Variants in ENOSF1 observed in about 807,000 individuals in gnomAD.
ENOSF1 encodes the protein enolase superfamily member 1, also known as mitochondrial enolase superfamily member 1.
Under a neutral mutation model 68.2 loss-of-function variants are expected in ENOSF1, and 73 were observed. The ratio of observed to expected loss-of-function variants is 1.07; its 90% CI spans 0.89 to 1.30. ENOSF1 has a LOEUF of 1.30. Among genes scored for constraint, ENOSF1 ranks in the 50% most tolerant of loss-of-function variants. ENOSF1 has a pLI of 0.00. For missense variants in ENOSF1, 589 were observed against 554.5 expected, an observed-to-expected ratio of 1.06 and a Z score of -0.62; for synonymous variants, 223 against 210.4, an observed-to-expected ratio of 1.06 and a Z score of -0.52.
At chr18:663,727 T>C in the ENOSF1 span, among the ~76,000 whole-genome samples, 11 of 105,636 alleles carry the variant, frequency 1.0e-4, no homozygotes, top group East Asian at 3.1e-4. Flanking sequence ...TTTCAGCTTT[T>C]TACATATGGC....
Position 673,052 on chromosome 18 carries a change from T to C in ENOSF1, c.*1253A>G. The C allele has an allele frequency of 6.9e-7, 1 of 1,443,178 alleles. No individual in the cohort carries two copies. The highest frequency in any genetic ancestry group is 1.7e-5 in the South Asian group (1 of 58,856). 89.4% of individuals were successfully genotyped at this position (1,443,178 alleles called of 1,614,324 possible). On this transcript the variant is annotated 3_prime_UTR_variant, in exon 16 of 16. Coordinates refer to ENST00000647584, the MANE Select transcript of ENOSF1 (RefSeq NM_017512.7). ...GTCAGTCTTTAGGGGTTGGGCTGGA[T>C]GCCGAGGTAAAAGTTCTTTTTGCTC...
In ENOSF1 at chr18:706,815, A is replaced by ATTTT. The variant is rs71297337; in HGVS notation, c.85-241_85-238dup. 904 of 131,012 alleles carry ATTTT rather than the reference A, an allele frequency of 6.9e-3. 11 individuals are homozygous for ATTTT. Among genetic ancestry groups the ATTTT allele is most frequent in the Non-Finnish European group, 9.8e-3 (613 of 62,328 alleles). 8.1% of individuals were successfully genotyped at this position (131,012 alleles called of 1,614,324 possible). A position where few individuals can be genotyped will look rare whatever the true frequency, so the allele number is the denominator to read the frequency against. On this transcript the variant is annotated intron_variant, in intron 1 of 15. Transcript: ENST00000647584. ...GAGCAATGTATGTATATATATATAT[A>ATTTT]TTTTTTTTTTTTTTCTTTTTTGAGA...
chr18:704,762 C>T (rs1035675137), intron 2 of ENOSF1, among the ~76,000 whole-genome samples: 8 of 152,020 alleles, frequency 5.3e-5, no homozygotes, highest in East Asian at 1.9e-4. Flanking sequence ...TGCATCACCA[C>T]GGCCAGGTAA....
Position 670,580 on chromosome 18 carries a change from T to G in ENOSF1, c.*3725A>C, listed in dbSNP as rs1177996677. On this transcript the variant is annotated 3_prime_UTR_variant, in exon 16 of 16. Coordinates refer to ENST00000647584, the MANE Select transcript of ENOSF1 (RefSeq NM_017512.7). ...ATCACTGCAGCCCAGTGGCTCTCTC[T>G]CCTGGTCTCCACCATATGAGTTGGC... 4 of 1,187,284 alleles carry G rather than the reference T, an allele frequency of 3.4e-6. No individual in the cohort carries two copies. Among genetic ancestry groups the G allele is most frequent in the Non-Finnish European group, 4.8e-6 (4 of 833,574 alleles). The allele number at this position is 1,187,284 out of a possible 1,614,324, so 73.5% of individuals were successfully genotyped here.
chr18:666,907 GGT>G (rs1567989343), downstream of ENOSF1, among the ~76,000 whole-genome samples: 77 of 49,092 alleles, frequency 1.6e-3, 15 homozygotes, highest in East Asian at 7.1e-3. Context: ...TGATGGAGAT[GGT>G]GATGGTGATG....
chr18:707,562 T>C (rs936793674), intron 1 of ENOSF1: 4 of 152,180 alleles, frequency 2.6e-5, no homozygotes, highest in Non-Finnish European at 4.4e-5. Flanking sequence ...AATTCACTAA[T>C]TTTTTGTTTT....
chr18:669,035 T>C (rs778732526), downstream of ENOSF1: 30 of 1,540,090 alleles, frequency 1.9e-5, no homozygotes, highest in South Asian at 2.7e-4. Flanking sequence ...GTGTGATTAA[T>C]GTATGTACCT....
At chr18:695,180 C>CT (rs1159961060) in intron 3 of ENOSF1, among the ~76,000 whole-genome samples, 1 of 152,066 alleles carries the variant, frequency 6.6e-6, no homozygotes, top group Non-Finnish European at 1.5e-5. Flanking sequence ...TTTTCTTCTT[C>CT]TTTTTTAAAT....
Position 712,233 on chromosome 18 carries a change from C to T in ENOSF1, c.84+271G>A. ...TACAATTGCTCCAAGGCATGAAAAGCGAGTGTCTCCCCCAGGCGCGCCTCC... is the reference window on the plus strand; with the variant it reads ...TACAATTGCTCCAAGGCATGAAAAGTGAGTGTCTCCCCCAGGCGCGCCTCC... On this transcript the variant is annotated intron_variant, in intron 1 of 15. Transcript: ENST00000647584. The T allele has an allele frequency of 2.0e-6, 3 of 1,504,708 alleles. No individual in the cohort carries two copies. In the South Asian group the frequency reaches 3.6e-5, roughly 18 times the overall value. The allele number at this position is 1,504,708 out of a possible 1,614,324, so 93.2% of individuals were successfully genotyped here.
chr18:703,582 TA>T (rs1306769319), intron 2 of ENOSF1, among the ~76,000 whole-genome samples: 1 of 152,164 alleles, frequency 6.6e-6, no homozygotes, highest in Non-Finnish European at 1.5e-5. Flanking sequence ...ACTTTAACAG[TA>T]AATTGTTTAC....
intron 1 of ENOSF1, 68 bp from the exon 2 acceptor site, chr18:706,646 A>G: frequency 1.7e-6 from 2 of 1,188,514 alleles, no homozygotes; most frequent in Admixed American, 3.4e-5. Flanking sequence ...CATGAGAATG[A>G]TGTCACATGA....
intron 1 of ENOSF1, chr18:706,815 A>ATATTTTTT (rs760562263): frequency 7.7e-6 from 1 of 129,876 alleles, no homozygotes; most frequent in Non-Finnish European, 1.6e-5. Flanking sequence ...ATATATATAT[A>ATATTTTTT]TTTTTTTTTT....
intron 10 of ENOSF1, 39 bp downstream of exon 10, chr18:685,882 A>T (rs1344472878): frequency 6.8e-7 from 1 of 1,460,954 alleles, no homozygotes; most frequent in East Asian, 2.3e-5. Flanking sequence ...AGCCCTGGAC[A>T]AAGGCTACTG....
intron 3 of ENOSF1, among the ~76,000 whole-genome samples, chr18:695,981 G>A (rs533062678): frequency 2.0e-4 from 31 of 152,206 alleles, no homozygotes; most frequent in African/African-American, 6.7e-4. Flanking sequence ...AGACTAAGCC[G>A]GGTTAGGAAA....
chr18:674,513 C>A (rs2075274844), intron 15 of ENOSF1, 107 bp from the exon 16 acceptor site: 2 of 700,456 alleles, frequency 2.9e-6, no homozygotes, highest in African/African-American at 1.9e-5. Context: ...AAGCCAGAGG[C>A]AATTAATTAA....
intron 13 of ENOSF1, 110 bp downstream of exon 13, chr18:677,633 C>T (rs1311199397): frequency 6.3e-6 from 9 of 1,439,892 alleles, no homozygotes; most frequent in Admixed American, 4.7e-5. Context: ...AGAAAAAAAT[C>T]GAAATGGCAA....
intron 2 of ENOSF1, among the ~76,000 whole-genome samples, chr18:702,286 A>AC (rs58354711): frequency 1.6e-5 from 2 of 123,464 alleles, no homozygotes; most frequent in East Asian, 2.7e-4. Flanking sequence ...AAAAAAAAAA[A>AC]CCCAGGTCAG....
chr18:696,776 C>T (rs914083680), intron 3 of ENOSF1, among the ~76,000 whole-genome samples: 1 of 152,048 alleles, frequency 6.6e-6, no homozygotes, highest in African/African-American at 2.4e-5. Context: ...ATCTAAATGA[C>T]TCAAGCCTGA....
rs145799869 is a variant in ENOSF1, at chr18:690,588, C to T, written c.579G>A (p.Ser193=). The T allele has an allele frequency of 1.9e-5, 31 of 1,614,078 alleles. No individual in the cohort carries two copies. The highest frequency in any genetic ancestry group is 1.6e-4 in the African/African-American group (12 of 74,950). ...CATCTGAGTACCCCAGCCAGGCGCA[C>T]GATGTCGTGTAAGCAGGGTATCCTT... The part of the protein sequence containing the change: ...LAQGYPAYTT[S]CAWLGYSDDT... The change falls in exon 8 of 16, where the codon TCG becomes TCA. Residue 193 remains serine (S), a synonymous_variant. Transcript: ENST00000647584.
Sources: allele counts gnomAD v4.1 joint callset (sites outside exome capture counted in the v4.1 genomes callset), GRCh38; gene constraint gnomAD v4.1.1; transcripts MANE v1.5; gene names NCBI Gene and HGNC (gene_info 2026-07-23, HGNC 2026-07-21).